Variants in NINJ2 observed in about 807,000 individuals in gnomAD.
NINJ2 encodes ninjurin-2.
A neutral mutation model predicts 11.7 loss-of-function variants in NINJ2; 12 were observed. That is an observed-to-expected ratio of 1.02 (90% CI 0.66 to 1.66). NINJ2 has a LOEUF of 1.66. NINJ2 is among the 40% of genes most tolerant of loss of function. NINJ2 has a pLI of 0.00. For missense variants in NINJ2, 187 were observed against 181.8 expected (o/e 1.03, Z -0.16); for synonymous variants, 93 against 76.8 (o/e 1.21, Z -1.10).
At chr12:596,650 C>T (rs376353322) in intron 1 of NINJ2, among the ~76,000 whole-genome samples, 25 of 152,160 alleles carry the variant, frequency 1.6e-4, no homozygotes, top group South Asian at 2.1e-4. Context: ...AAGCTGAGTG[C>T]GGTGGCTCAC....
chr12:597,308 A>G lies in NINJ2; in HGVS notation c.34-31130T>C, dbSNP rs1328266605. ...ATGGCACCTTCCTGACAGGGTTGCT[A>G]TGAGCACTACCTGGGTTACTGCGTG... On this transcript the variant is annotated intron_variant, in intron 1 of 3. Transcript: ENST00000305108. Among the ~76,000 whole-genome samples, 6 of 152,190 alleles carry G rather than the reference A, an allele frequency of 3.9e-5. No individual in the cohort carries two copies. The East Asian group carries it at 9.6e-4, about 24-fold the overall frequency.
intron 1 of NINJ2, among the ~76,000 whole-genome samples, chr12:573,334 T>G (rs1358114629): frequency 6.6e-6 from 1 of 152,136 alleles, no homozygotes; most frequent in African/African-American, 2.4e-5. Context: ...GCCCAGAGCC[T>G]GTAATTTTCA....
At chr12:647,678 T>C (rs1166444482) in intron 1 of NINJ2, among the ~76,000 whole-genome samples, 1 of 152,172 alleles carries the variant, frequency 6.6e-6, no homozygotes, top group Admixed American at 6.5e-5. Flanking sequence ...ATTTCTCCCA[T>C]ACATCAGTCA....
chr12:615,239 G>A (rs1056412688), intron 1 of NINJ2, among the ~76,000 whole-genome samples: 35 of 152,178 alleles, frequency 2.3e-4, no homozygotes, highest in African/African-American at 8.4e-4. Context: ...TTTACCAAGA[G>A]GAGCATGATT....
intron 1 of NINJ2, among the ~76,000 whole-genome samples, chr12:654,294 T>C (rs1413961292): frequency 6.6e-6 from 1 of 151,794 alleles, no homozygotes; most frequent in Admixed American, 6.6e-5. Flanking sequence ...GAGGCCGAGG[T>C]GGGCAGATCA....
chr12:576,618 C>T (rs926385358), intron 1 of NINJ2, among the ~76,000 whole-genome samples: 13 of 152,246 alleles, frequency 8.5e-5, no homozygotes, highest in African/African-American at 3.1e-4. Flanking sequence ...TTCAGTCTCC[C>T]AAAGTGCCGG....
intron 1 of NINJ2, among the ~76,000 whole-genome samples, chr12:596,847 A>G (rs553954229): frequency 2.0e-5 from 3 of 152,126 alleles, no homozygotes; most frequent in African/African-American, 7.2e-5. Flanking sequence ...ACTTGAGCCC[A>G]GGAAGTCGAG....
intron 1 of NINJ2, among the ~76,000 whole-genome samples, chr12:573,720 G>A (rs1439628292): frequency 6.6e-6 from 1 of 152,220 alleles, no homozygotes; most frequent in East Asian, 1.9e-4. Flanking sequence ...ACCTCTACCT[G>A]AGTGAAACTT....
At chr12:619,478 G>A (rs923161892) in intron 1 of NINJ2, among the ~76,000 whole-genome samples, 14 of 152,278 alleles carry the variant, frequency 9.2e-5, no homozygotes, top group African/African-American at 3.4e-4. Context: ...AGAGAGGTGG[G>A]AATGAGCATA....
chr12:592,568 C>T (rs1044206061), intron 1 of NINJ2, among the ~76,000 whole-genome samples: 1 of 152,108 alleles, frequency 6.6e-6, no homozygotes, highest in Non-Finnish European at 1.5e-5. Context: ...GGCGAGGTGG[C>T]GCATGCCTGT....
chr12:564,521 CCCTT>C lies in NINJ2; in HGVS notation c.*175_*178del, dbSNP rs1947263387. 6.6e-6 allele frequency: 1 copy of C among 152,208 alleles called. No homozygotes were observed. Among genetic ancestry groups the C allele is most frequent in the Non-Finnish European group, 1.5e-5 (1 of 68,050 alleles). The allele number at this position is 152,208 out of a possible 1,614,324, so 9.4% of individuals were successfully genotyped here. A position where few individuals can be genotyped will look rare whatever the true frequency, so the allele number is the denominator to read the frequency against. On this transcript the variant is annotated 3_prime_UTR_variant, in exon 4 of 4. Transcript: ENST00000305108. ...CAGGACTTCAGACCAAGATGGAAGTCCCTTAGACCAATAACATAAAAATCACTTT... is the reference window on the plus strand; with the variant it reads ...CAGGACTTCAGACCAAGATGGAAGTCAGACCAATAACATAAAAATCACTTT...
At chr12:639,982 C>T (rs1442562268) in intron 1 of NINJ2, among the ~76,000 whole-genome samples, 1 of 152,210 alleles carries the variant, frequency 6.6e-6, no homozygotes, top group Non-Finnish European at 1.5e-5. Context: ...GAGGCCTTGC[C>T]CAGGCCCAGG....
intron 1 of NINJ2, among the ~76,000 whole-genome samples, chr12:658,217 C>A (rs1937898658): frequency 6.6e-6 from 1 of 152,014 alleles, no homozygotes; most frequent in African/African-American, 2.4e-5. Flanking sequence ...GATAGCCAGG[C>A]TGGTCTCGAA....
intron 1 of NINJ2, among the ~76,000 whole-genome samples, chr12:649,385 C>G (rs915436525): frequency 1.3e-5 from 2 of 151,546 alleles, no homozygotes; most frequent in Non-Finnish European, 2.9e-5. Context: ...TATTCAGATA[C>G]AAAAAATAAG....
intron 1 of NINJ2, among the ~76,000 whole-genome samples, chr12:577,212 C>T (rs1256434206): frequency 2.0e-5 from 3 of 151,712 alleles, no homozygotes; most frequent in African/African-American, 7.3e-5. Flanking sequence ...TCAATAGTCT[C>T]TTATAAAGTA....
intron 1 of NINJ2, among the ~76,000 whole-genome samples, chr12:662,619 G>A (rs61916680): frequency 0.19 from 28,377 of 152,022 alleles, 3,373 homozygotes; most frequent in Non-Finnish European, 0.25. Context: ...GTCATAGAAG[G>A]GTTCGTTCTA....
Position 566,105 on chromosome 12 carries a change from C to T in NINJ2, c.107G>A (p.Ser36Asn), listed in dbSNP as rs1437311069. ...HYATKKSVAE[S>N]MLDVALFMSN... Reference sequence around the variant, plus strand: ...CATGAACAGGGCCACGTCCAGCATGCTCTCCGCCACGCTCTTCTTGGTGGC... The same window carrying T: ...CATGAACAGGGCCACGTCCAGCATGTTCTCCGCCACGCTCTTCTTGGTGGC... Residue 36 changes from serine (S) to asparagine (N), a missense_variant, in exon 2 of 4, where the codon AGC becomes AAC. Transcript: ENST00000305108. The T allele has an allele frequency of 6.2e-7, 1 of 1,614,198 alleles. No individual in the cohort carries two copies.
In NINJ2 at chr12:646,868, T is replaced by G. The variant is rs544895803; in HGVS notation, c.33+16460A>C. Among the ~76,000 whole-genome samples, 4 of 152,202 alleles carry G rather than the reference T, an allele frequency of 2.6e-5. No homozygotes were observed. In the South Asian group the frequency reaches 8.3e-4, roughly 32 times the overall value. On this transcript the variant is annotated intron_variant, in intron 1 of 3. Coordinates refer to ENST00000305108, the MANE Select transcript of NINJ2 (RefSeq NM_016533.6). The stretch of plus-strand genomic sequence containing the variant: ...ACAAACCTGCTTCCCTGGACAAGGG[T>G]TGTGGAAACAGGGAGTTCACCTCTG...
Position 628,010 on chromosome 12 carries a change from G to A in NINJ2, c.33+35318C>T, listed in dbSNP as rs752539625. 2.6e-5 allele frequency among the ~76,000 whole-genome samples: 4 copies of A among 152,066 alleles called. No individual in the cohort carries two copies. The highest frequency in any genetic ancestry group is 5.9e-5 in the Non-Finnish European group (4 of 68,018). On this transcript the variant is annotated intron_variant, in intron 1 of 3. Coordinates refer to ENST00000305108, the MANE Select transcript of NINJ2 (RefSeq NM_016533.6). This position sits in a 1 kb window ranked among gnomAD's most constrained non-coding sequence, Gnocchi z 4.4. ...TCCCTGTCCCTGCCGCATCCTCCCC[G>A]CCCTGCCCCCGGCTCCTCTTTCACA... is the stretch of plus-strand genomic sequence containing the variant.
Sources: gnomAD v4.1 joint callset for allele counts (sites outside exome capture counted in the v4.1 genomes callset) on GRCh38, gnomAD v4.1.1 for gene constraint, Gnocchi (gnomAD v3.1) non-coding constraint, MANE v1.5 for transcripts, NCBI Gene and HGNC (gene_info 2026-07-23, HGNC 2026-07-21) for gene names.